ATG10: variants seen among roughly 807,000 people sequenced by gnomAD.
ATG10 encodes the protein ubiquitin-like-conjugating enzyme ATG10.
A neutral mutation model predicts 32.1 loss-of-function variants in ATG10; 30 were observed. That is an observed-to-expected ratio of 0.94 (90% CI 0.70 to 1.27). ATG10 has a LOEUF of 1.27. Ranked by LOEUF, ATG10 falls within the 50% of genes most tolerant of loss-of-function variation. The pLI is 0.00. For synonymous variants in ATG10, 87 were observed against 91.5 expected, an observed-to-expected ratio of 0.95 and a Z score of 0.28; for missense variants, 233 against 262.3, an observed-to-expected ratio of 0.89 and a Z score of 0.77.
intron 1 of ATG10, among the ~76,000 whole-genome samples, chr5:81,982,830 T>C (rs978743940): frequency 2.8e-4 from 42 of 152,192 alleles, no homozygotes; most frequent in Non-Finnish European, 5.6e-4. Flanking sequence ...CCTTAATCCA[T>C]TTAACCCCGA....
At chr5:81,988,608 AT>A (rs1236594719) in intron 2 of ATG10, among the ~76,000 whole-genome samples, 2 of 151,720 alleles carry the variant, frequency 1.3e-5, no homozygotes, top group African/African-American at 4.8e-5. Context: ...TAATTTTTGT[AT>A]TTTGAGTAGA....
chr5:82,085,496 G>A (rs1485979847), intron 3 of ATG10, among the ~76,000 whole-genome samples: 1 of 132,562 alleles, frequency 7.5e-6, no homozygotes, highest in African/African-American at 2.8e-5. Flanking sequence ...TCATGGGATC[G>A]GGGGAGGGGG....
At chr5:81,985,541 C>T (rs1409102606) in intron 1 of ATG10, among the ~76,000 whole-genome samples, 1 of 145,080 alleles carries the variant, frequency 6.9e-6, no homozygotes, top group Admixed American at 6.8e-5. Flanking sequence ...CCAAATTAAA[C>T]CCAACTCTCT....
intron 2 of ATG10, among the ~76,000 whole-genome samples, chr5:82,057,472 C>T (rs1009810141): frequency 3.9e-5 from 6 of 152,170 alleles, no homozygotes; most frequent in Non-Finnish European, 8.8e-5. Flanking sequence ...AGATGCACCG[C>T]TCCAGTCTTC....
intron 3 of ATG10, among the ~76,000 whole-genome samples, chr5:82,145,743 G>A (rs1052406312): frequency 8.1e-5 from 12 of 147,594 alleles, no homozygotes; most frequent in African/African-American, 2.8e-4. Context: ...GTCTTCCTCT[G>A]TTGCCCAAGC....
Position 82,164,583 on chromosome 5 carries a change from A to G in ATG10, c.355+46A>G. 2 of 1,512,888 alleles carry G rather than the reference A, an allele frequency of 1.3e-6. No individual in the cohort carries two copies. The highest frequency in any genetic ancestry group is 2.3e-5 in the East Asian group (1 of 44,112). 93.7% of individuals were successfully genotyped at this position (1,512,888 alleles called of 1,614,324 possible). A position where few individuals can be genotyped will look rare whatever the true frequency, so the allele number is the denominator to read the frequency against. On this transcript the variant is annotated intron_variant, in intron 4 of 7. Transcript: ENST00000282185. ...AAAAGTAAATTTATAACATTTACAT[A>G]TAAAGCAAAAAGCATATTTGGAAAA...
intron 5 of ATG10, among the ~76,000 whole-genome samples, chr5:82,229,522 A>C (rs1440732813): frequency 6.6e-6 from 1 of 152,208 alleles, no homozygotes. Context: ...TGTAAACTGT[A>C]ATTAATATAT....
intron 3 of ATG10, among the ~76,000 whole-genome samples, chr5:82,078,953 A>G (rs926858865): frequency 6.6e-6 from 1 of 152,206 alleles, no homozygotes; most frequent in South Asian, 2.1e-4. Flanking sequence ...TCATACCTCC[A>G]TTGTTCAGGA....
At chr5:82,113,077 T>C (rs1765667873) in intron 3 of ATG10, among the ~76,000 whole-genome samples, 1 of 151,972 alleles carries the variant, frequency 6.6e-6, no homozygotes, top group African/African-American at 2.4e-5. Context: ...CTTATTTTAT[T>C]GATCTTTCTG....
chr5:82,157,117 G>T (rs1239090739), intron 3 of ATG10, among the ~76,000 whole-genome samples: 4 of 152,170 alleles, frequency 2.6e-5, no homozygotes, highest in Admixed American at 6.5e-5. Context: ...GCCTGGAGAA[G>T]AGGTTTTAAT....
At position 82,152,803 on chromosome 5, in the gene ATG10, A is replaced by G. The variant is rs367976207; in HGVS notation, c.217-11596A>G. ...ATAATTGATCAAGAGGTAAATATACACATATTAGGGTTGAGTGCTTAACTT... is the reference window on the plus strand; with the variant it reads ...ATAATTGATCAAGAGGTAAATATACGCATATTAGGGTTGAGTGCTTAACTT... On this transcript the variant is annotated intron_variant, in intron 3 of 7. Coordinates refer to ENST00000282185, the MANE Select transcript of ATG10 (RefSeq NM_031482.5). Among the ~76,000 whole-genome samples, 3 of 152,206 alleles carry G rather than the reference A, an allele frequency of 2.0e-5. No individual in the cohort carries two copies. In the East Asian group the frequency reaches 5.8e-4, roughly 29 times the overall value.
chr5:82,195,520 G>A (rs1454145968), intron 5 of ATG10, among the ~76,000 whole-genome samples: 1 of 152,136 alleles, frequency 6.6e-6, no homozygotes, highest in African/African-American at 2.4e-5. Context: ...TGTTTATCAC[G>A]AGTTTACGTG....
At chr5:82,117,466 T>C (rs1427567562) in intron 3 of ATG10, among the ~76,000 whole-genome samples, 1 of 152,176 alleles carries the variant, frequency 6.6e-6, no homozygotes, top group Non-Finnish European at 1.5e-5. Flanking sequence ...AGATATTTTT[T>C]TGTTCTCCAA....
chr5:82,175,288 GC>G lies in ATG10; in HGVS notation c.356-3200del, dbSNP rs1377144802. 3.3e-5 allele frequency among the ~76,000 whole-genome samples: 5 copies of G among 152,200 alleles called. No homozygotes were observed. In the East Asian group the frequency reaches 9.7e-4, roughly 29 times the overall value. On this transcript the variant is annotated intron_variant, in intron 4 of 7. Transcript: ENST00000282185. ...CTCCACTGAGGTAAATACTTTCCTG[GC>G]CTCTTGTCTCTGCCCTTCCCTATAT... is the stretch of plus-strand genomic sequence containing the variant.
At chr5:82,234,739 C>CTAA (rs2150010670) in intron 5 of ATG10, among the ~76,000 whole-genome samples, 1 of 152,018 alleles carries the variant, frequency 6.6e-6, no homozygotes, top group East Asian at 1.9e-4. Flanking sequence ...AGGGAGAATC[C>CTAA]TAGTAAATGT....
At chr5:82,081,706 A>G (rs1488342613) in intron 3 of ATG10, among the ~76,000 whole-genome samples, 2 of 152,094 alleles carry the variant, frequency 1.3e-5, no homozygotes, top group Non-Finnish European at 2.9e-5. Context: ...CAGGGATGAA[A>G]CCCACTTGAT....
chr5:81,973,609 GTC>G (rs886412785), intron 1 of ATG10, among the ~76,000 whole-genome samples: 1 of 152,146 alleles, frequency 6.6e-6, no homozygotes, highest in African/African-American at 2.4e-5. Context: ...TTGGACAATG[GTC>G]TCTATTCTTT....
chr5:81,983,289 C>G (rs1482722690), intron 1 of ATG10, among the ~76,000 whole-genome samples: 2 of 138,994 alleles, frequency 1.4e-5, no homozygotes, highest in East Asian at 4.7e-4. Context: ...GGGGGGCTGA[C>G]CCCCCCACCT....
rs555074295 is a variant in ATG10 at position 82,055,638 on chromosome 5, C to A, written c.109-2857C>A. 5.9e-5 allele frequency among the ~76,000 whole-genome samples: 9 copies of A among 152,246 alleles called. No homozygotes were observed. The East Asian group carries it at 1.7e-3, about 29-fold the overall frequency. On this transcript the variant is annotated intron_variant, in intron 2 of 7. Transcript: ENST00000282185. ...TACACACAGTGCAGCTCCGTGTTCT[C>A]TGAATATCCTGAGAGTTTTGGTTTT...
Sources: gnomAD v4.1 joint callset for allele counts (sites outside exome capture counted in the v4.1 genomes callset) on GRCh38, gnomAD v4.1.1 for gene constraint, MANE v1.5 for transcripts, NCBI Gene and HGNC (gene_info 2026-07-23, HGNC 2026-07-21) for gene names.